Variants in IDH3B observed in about 807,000 individuals in gnomAD.
The protein encoded by IDH3B is isocitrate dehydrogenase [NAD] subunit beta, mitochondrial.
In IDH3B, 40 loss-of-function variants were observed where a neutral mutation model predicts 47.5. The ratio of observed to expected loss-of-function variants is 0.84; its 90% CI spans 0.65 to 1.10. The LOEUF is 1.10. Among genes scored for constraint, IDH3B ranks in the 50% least tolerant of loss-of-function variants. The probability of loss-of-function intolerance (pLI) is 0.00; values close to 1 mark genes in which losing one functional copy is unlikely to be tolerated. For synonymous variants in IDH3B, 185 were observed against 191.0 expected (o/e 0.97, Z 0.26); for missense variants, 450 against 505.2 (o/e 0.89, Z 1.05).
intron 4 of IDH3B, among the ~76,000 whole-genome samples, chr20:2,662,659 A>C (rs907777817): frequency 2.0e-5 from 3 of 152,160 alleles, no homozygotes; most frequent in African/African-American, 7.2e-5. Context: ...TCTCTACTAA[A>C]AATACAAAAA....
chr20:2,660,547 G>T lies in IDH3B; in HGVS notation c.575C>A (p.Ala192Asp). ...VIECLKIVTRAKSQRIAKFAF... is the reference protein window; with the variant it reads ...VIECLKIVTRDKSQRIAKFAF... ...GAACTTTGCAATCCGCTGAGACTTGGCTCGTGTGACAATCTTCAAACACTC... is the reference window on the plus strand; with the variant it reads ...GAACTTTGCAATCCGCTGAGACTTGTCTCGTGTGACAATCTTCAAACACTC... Residue 192 changes from alanine to aspartate, a missense_variant, in exon 7 of 12, where the codon GCC becomes GAC. Transcript: ENST00000380843. This position sits in a 1 kb window ranked among gnomAD's most constrained non-coding sequence, Gnocchi z 5.6. 3 of 1,614,140 alleles carry T rather than the reference G, an allele frequency of 1.9e-6. No homozygotes were observed. The highest frequency in any genetic ancestry group is 2.5e-6 in the Non-Finnish European group (3 of 1,180,038).
At position 2,658,735 on chromosome 20, in the gene IDH3B, G is replaced by C. The variant is rs779055259; in HGVS notation, c.*16C>G. ...GGGGAGTGTGGTCCTTGCAAGGTTG[G>C]AAGAAATAAAGGGCTCTAGCTCCCT... On this transcript the variant is annotated 3_prime_UTR_variant, in exon 12 of 12. Transcript: ENST00000380843. 3 of 1,614,180 alleles carry C rather than the reference G, an allele frequency of 1.9e-6. No individual in the cohort carries two copies. Among genetic ancestry groups the C allele is most frequent in the South Asian group, 2.2e-5 (2 of 91,080 alleles).
chr20:2,659,406 T>C (rs1729558541), intron 11 of IDH3B, 119 bp downstream of exon 11: 2 of 1,545,526 alleles, frequency 1.3e-6, no homozygotes, highest in South Asian at 2.2e-5. Context: ...AGGGAGCAGA[T>C]GTTCTGGGGA....
chr20:2,660,947 C>T lies in IDH3B; in HGVS notation c.360G>A (p.Glu120=), dbSNP rs1341062845. 1 of 1,614,148 alleles carries T rather than the reference C, an allele frequency of 6.2e-7. No individual in the cohort carries two copies. Among genetic ancestry groups the T allele is most frequent in the Admixed American group, 1.7e-5 (1 of 60,030 alleles). ...CATAGGAGGCTAGCTCCCCCTTATA[C>T]TCCATCGGGGTATGAATCTTTCCTG... ...AIIGKIHTPM[E]YKGELASYDM... Residue 120 remains glutamate (E), a synonymous_variant, in exon 5 of 12, where the codon GAG becomes GAA. Transcript: ENST00000380843. The surrounding 1 kb of genome is among the most constrained non-coding windows in gnomAD (Gnocchi z 5.6).
intron 4 of IDH3B, among the ~76,000 whole-genome samples, 164 bp downstream of exon 4, chr20:2,663,282 C>G (rs1179091912): frequency 6.6e-6 from 1 of 152,220 alleles, no homozygotes; most frequent in African/African-American, 2.4e-5. Flanking sequence ...GACATGATCT[C>G]TCAACTCCTG....
chr20:2,660,014 G>A lies in IDH3B; in HGVS notation c.915+16C>T. 1 of 1,614,018 alleles carries A rather than the reference G, an allele frequency of 6.2e-7. No individual in the cohort carries two copies. The highest frequency in any genetic ancestry group is 8.5e-7 in the Non-Finnish European group (1 of 1,179,922). ...CTTGAGGTCAGAGGAAGGGCCGAGG[G>A]AGAAAGCAGCCTCACCGTCTCAAAG... is the stretch of plus-strand genomic sequence containing the variant. On this transcript the variant is annotated intron_variant, in intron 9 of 11. Coordinates refer to ENST00000380843, the MANE Select transcript of IDH3B (RefSeq NM_006899.5). The surrounding 1 kb of genome is among the most constrained non-coding windows in gnomAD (Gnocchi z 5.6).
rs1350177517 is a variant in IDH3B at position 2,664,024 on chromosome 20, A to G, written c.37-19T>C. 6.2e-7 allele frequency: 1 copy of G among 1,613,988 alleles called. No homozygotes were observed. The highest frequency in any genetic ancestry group is 2.2e-5 in the East Asian group (1 of 44,884). The stretch of plus-strand genomic sequence containing the variant: ...CCAGCGCCTGCAACAGGGACACACA[A>G]GCCTGTAAGGTCAGCTTTGAGACAT... On this transcript the variant is annotated intron_variant, in intron 1 of 11. Transcript: ENST00000380843.
In IDH3B at chr20:2,660,454, C is replaced by T. The variant is rs764040986; in HGVS notation, c.665+3G>A. On this transcript the variant is annotated splice_donor_region_variant and intron_variant, in intron 7 of 11. Coordinates refer to ENST00000380843, the MANE Select transcript of IDH3B (RefSeq NM_006899.5). The surrounding 1 kb of genome is among the most constrained non-coding windows in gnomAD (Gnocchi z 5.6). ...CCATCCTACACAAAGCCATGCCCCT[C>T]ACATGATGTTGGCCTTGTGGACAGC... 1.9e-6 allele frequency: 3 copies of T among 1,614,098 alleles called. No individual in the cohort carries two copies. Among genetic ancestry groups the T allele is most frequent in the South Asian group, 2.2e-5 (2 of 91,060 alleles).
intron 2 of IDH3B, 42 bp downstream of exon 2, chr20:2,663,883 G>A (rs1354481243): frequency 2.5e-6 from 4 of 1,605,548 alleles, no homozygotes; most frequent in East Asian, 2.2e-5. Flanking sequence ...AGCGAGGAAG[G>A]GACAGGGTCG....
In IDH3B at chr20:2,664,101, C is replaced by G. The variant is rs1018524068; in HGVS notation, c.36+52G>C. 1.0e-5 allele frequency: 16 copies of G among 1,607,866 alleles called. No individual in the cohort carries two copies. In the Middle Eastern group the frequency reaches 6.6e-4, roughly 66 times the overall value. ...TTGCCCTGTTTAGGAAACCCTAGGA[C>G]AAACTCTCCGCTCCTTCGCCCGCCC... On this transcript the variant is annotated intron_variant, in intron 1 of 11. Transcript: ENST00000380843.
rs985868569 is a variant in IDH3B, at chr20:2,661,659, C to T, written c.338-690G>A. Among the ~76,000 whole-genome samples the T allele has an allele frequency of 1.4e-4, 22 of 152,126 alleles. 1 individual carries two copies. Among genetic ancestry groups the T allele is most frequent in the Admixed American group, 6.5e-4 (10 of 15,272 alleles). ...CTACTGATGAATATCAATTATATGTCAGGCAATAAGGATAACAACTAAAAC... is the reference window on the plus strand; with the variant it reads ...CTACTGATGAATATCAATTATATGTTAGGCAATAAGGATAACAACTAAAAC... On this transcript the variant is annotated intron_variant, in intron 4 of 11. Coordinates refer to ENST00000380843, the MANE Select transcript of IDH3B (RefSeq NM_006899.5).
Position 2,659,767 on chromosome 20 carries a change from T to C in IDH3B, c.942A>G (p.Ala314=), listed in dbSNP as rs766764109. The C allele has an allele frequency of 1.2e-6, 2 of 1,613,942 alleles. No homozygotes were observed. The highest frequency in any genetic ancestry group is 8.5e-7 in the Non-Finnish European group (1 of 1,179,820). Residue 314 remains alanine, a synonymous_variant, in exon 10 of 12, where the codon GCA becomes GCG. Transcript: ENST00000380843. The part of the protein sequence containing the change: ...ETGARHPFAQ[A]VGRNIANPTA... ...TGGGATTGGCTATATTCCTGCCCAC[T>C]GCCTGGGCAAATGGGTGCCGGGCAC...
chr20:2,658,995 A>G (rs1182703542), intron 11 of IDH3B, 158 bp from the exon 12 acceptor site: 18 of 1,470,740 alleles, frequency 1.2e-5, no homozygotes, highest in East Asian at 9.9e-5. Context: ...TGGGAAGCAC[A>G]TGGACCTGCC....
intron 4 of IDH3B, among the ~76,000 whole-genome samples, 182 bp downstream of exon 4, chr20:2,663,264 A>T (rs2086981998): frequency 6.6e-6 from 1 of 152,208 alleles, no homozygotes; most frequent in South Asian, 2.1e-4. Flanking sequence ...TTTTCTGCAT[A>T]GACAGCTGAC....
chr20:2,658,621 G>A lies in IDH3B; in HGVS notation c.*130C>T, dbSNP rs1164854202. On this transcript the variant is annotated 3_prime_UTR_variant, in exon 12 of 12. Coordinates refer to ENST00000380843, the MANE Select transcript of IDH3B (RefSeq NM_006899.5). ...TGTCCCCTAAGGAAGCCGGCCCAAG[G>A]ACAACCTAGGCTCTACCCAGCAAGG... 2.5e-6 allele frequency: 4 copies of A among 1,613,264 alleles called. No homozygotes were observed. Among genetic ancestry groups the A allele is most frequent in the Non-Finnish European group, 1.7e-6 (2 of 1,179,694 alleles).
intron 11 of IDH3B, chr20:2,659,272 G>C (rs556881885): frequency 8.3e-5 from 121 of 1,453,270 alleles, no homozygotes; most frequent in Admixed American, 1.4e-4. Flanking sequence ...CCATGAAAAG[G>C]GCAGTGGATG....
intron 9 of IDH3B, 43 bp downstream of exon 9, chr20:2,659,987 G>A (rs2086910655): frequency 6.2e-7 from 1 of 1,613,038 alleles, no homozygotes; most frequent in Non-Finnish European, 8.5e-7. Flanking sequence ...AGGAATGGCG[G>A]ACTTGAGGTC....
At chr20:2,662,003 T>C (rs976013059) in intron 4 of IDH3B, among the ~76,000 whole-genome samples, 1 of 151,226 alleles carries the variant, frequency 6.6e-6, no homozygotes, top group Non-Finnish European at 1.5e-5. Flanking sequence ...ACCACAGATA[T>C]TGGAGTGATG....
chr20:2,660,804 C>G lies in IDH3B; in HGVS notation c.424G>C (p.Val142Leu). 1 of 1,614,176 alleles carries G rather than the reference C, an allele frequency of 6.2e-7. No homozygotes were observed. The highest frequency in any genetic ancestry group is 2.2e-5 in the East Asian group (1 of 44,878). ...LRRKLDLFAN[V>L]VHVKSLPGYM... is the part of the protein sequence containing the mutation. Reference sequence around the variant, plus strand: ...CCAGGAAGTGACTTCACATGGACTACGTTGGCAAATAAGTCCAACTTACGC... The same window carrying G: ...CCAGGAAGTGACTTCACATGGACTAGGTTGGCAAATAAGTCCAACTTACGC... The change falls in exon 6 of 12, where the codon GTA (valine) becomes CTA (leucine). Residue 142 changes from valine (V) to leucine (L), a missense_variant. Coordinates refer to ENST00000380843, the MANE Select transcript of IDH3B (RefSeq NM_006899.5). This position sits in a 1 kb window ranked among gnomAD's most constrained non-coding sequence, Gnocchi z 5.6.
Sources: gnomAD v4.1 joint callset for allele counts (sites outside exome capture counted in the v4.1 genomes callset) on GRCh38, gnomAD v4.1.1 for gene constraint, Gnocchi (gnomAD v3.1) non-coding constraint, MANE v1.5 for transcripts, NCBI Gene and HGNC (gene_info 2026-07-23, HGNC 2026-07-21) for gene names.